MTUS1: variants seen among roughly 807,000 people sequenced by gnomAD.
The protein encoded by MTUS1 is microtubule-associated tumor suppressor 1.
Under a neutral mutation model 120.8 loss-of-function variants are expected in MTUS1, and 109 were observed. The ratio of observed to expected loss-of-function variants is 0.90; its 90% CI spans 0.77 to 1.06. The LOEUF is 1.06. MTUS1 is among the 50% of genes least tolerant of loss of function. The pLI is 0.00. For synonymous variants in MTUS1, 737 were observed against 550.5 expected, an observed-to-expected ratio of 1.34 and a Z score of -4.74; for missense variants, 2,210 against 1,486.3, an observed-to-expected ratio of 1.49 and a Z score of -8.01.
intron 2 of MTUS1, among the ~76,000 whole-genome samples, 176 bp from the exon 3 acceptor site, chr8:17,743,975 C>G (rs556152863): frequency 6.6e-5 from 10 of 152,302 alleles, no homozygotes; most frequent in African/African-American, 2.2e-4. Context: ...CTTTAGAATT[C>G]AGGCACAACT....
rs1295484096 is a variant in MTUS1 at position 17,785,520 on chromosome 8, C to T, written c.-155+15541G>A. On this transcript the variant is annotated intron_variant, in intron 1 of 14. Coordinates refer to ENST00000693296, the MANE Select transcript of MTUS1 (RefSeq NM_001363059.2). Reference sequence around the variant, plus strand: ...AGGGGCACTTCAGACAAAATTTGTACGACTGCCAACACATCATAAAAGGAC... The same window carrying T: ...AGGGGCACTTCAGACAAAATTTGTATGACTGCCAACACATCATAAAAGGAC... 3.3e-5 allele frequency among the ~76,000 whole-genome samples: 5 copies of T among 152,108 alleles called. 1 individual carries two copies. The highest frequency in any genetic ancestry group is 1.3e-4 in the Admixed American group (2 of 15,256).
intron 3 of MTUS1, among the ~76,000 whole-genome samples, chr8:17,732,420 C>T (rs1436285336): frequency 6.6e-6 from 1 of 152,174 alleles, no homozygotes; most frequent in African/African-American, 2.4e-5. Flanking sequence ...TTCAGGGATG[C>T]CCCTACGTTC....
intron 1 of MTUS1, among the ~76,000 whole-genome samples, chr8:17,778,076 T>C (rs1440973926): frequency 6.6e-6 from 1 of 152,196 alleles, no homozygotes; most frequent in Non-Finnish European, 1.5e-5. Flanking sequence ...TTGCCTGTGT[T>C]ATTAAACTAG....
chr8:17,674,166 G>A (rs371423439), intron 8 of MTUS1, among the ~76,000 whole-genome samples: 5 of 152,060 alleles, frequency 3.3e-5, no homozygotes, highest in South Asian at 2.1e-4. Context: ...GGCTGGGTGC[G>A]GTGGCTCACA....
At chr8:17,731,721 G>C (rs2979778) in intron 3 of MTUS1, among the ~76,000 whole-genome samples, 30,496 of 151,748 alleles carry the variant, frequency 0.2, 3,207 homozygotes, top group African/African-American at 0.26. Flanking sequence ...AACAGCAGCA[G>C]ATCAAAAAAA....
At chr8:17,689,748 T>C (rs576016029) in intron 6 of MTUS1, among the ~76,000 whole-genome samples, 36 of 152,258 alleles carry the variant, frequency 2.4e-4, no homozygotes, top group African/African-American at 7.9e-4. Flanking sequence ...TTACAGCTAA[T>C]TGATCTTTGA....
At chr8:17,707,388 A>T (rs1244161300) in intron 6 of MTUS1, among the ~76,000 whole-genome samples, 1 of 152,188 alleles carries the variant, frequency 6.6e-6, no homozygotes, top group African/African-American at 2.4e-5. Flanking sequence ...TAGGCTCCTC[A>T]TAATACCAGG....
intron 12 of MTUS1, 69 bp from the exon 13 acceptor site, chr8:17,650,031 G>A: frequency 1.2e-6 from 1 of 855,994 alleles, no homozygotes; most frequent in Non-Finnish European, 2.0e-6. Flanking sequence ...AAGAATCTTT[G>A]ATTAGATTGA....
At chr8:17,689,951 CACA>C (rs1312817282) in intron 6 of MTUS1, among the ~76,000 whole-genome samples, 1 of 152,064 alleles carries the variant, frequency 6.6e-6, no homozygotes, top group Non-Finnish European at 1.5e-5. Flanking sequence ...AAAAACTCTT[CACA>C]ACATTGGCCG....
chr8:17,688,309 T>C (rs536804684), intron 6 of MTUS1, among the ~76,000 whole-genome samples: 1 of 152,156 alleles, frequency 6.6e-6, no homozygotes, highest in African/African-American at 2.4e-5. Flanking sequence ...AAGTATCACA[T>C]AAGAGGGTGG....
intron 1 of MTUS1, among the ~76,000 whole-genome samples, chr8:17,787,450 A>C (rs1397430589): frequency 6.6e-6 from 1 of 152,190 alleles, no homozygotes; most frequent in Non-Finnish European, 1.5e-5. Context: ...CTCTACTCCA[A>C]TGTGTAATCT....
chr8:17,748,837 C>T (rs1302941941), intron 2 of MTUS1, among the ~76,000 whole-genome samples: 2 of 152,122 alleles, frequency 1.3e-5, no homozygotes, highest in Admixed American at 6.5e-5. Context: ...CTCTTTTTTC[C>T]CTACATCCTA....
At chr8:17,743,071 A>C (rs1004753642) in intron 3 of MTUS1, among the ~76,000 whole-genome samples, 2 of 151,008 alleles carry the variant, frequency 1.3e-5, no homozygotes, top group Admixed American at 6.6e-5. Context: ...TGAGGCGCTC[A>C]CATTTCATTG....
chr8:17,743,508 A>T, intron 3 of MTUS1, 96 bp downstream of exon 3: 1 of 1,170,914 alleles, frequency 8.5e-7, no homozygotes. Context: ...ACAAAAGGCT[A>T]ACTGCTTTAG....
intron 8 of MTUS1, among the ~76,000 whole-genome samples, chr8:17,673,392 G>C (rs764776208): frequency 3.9e-5 from 6 of 152,172 alleles, no homozygotes; most frequent in Non-Finnish European, 8.8e-5. Context: ...TAGGTATTAA[G>C]AATCTGGACG....
intron 7 of MTUS1, 76 bp downstream of exon 7, chr8:17,684,252 C>T (rs1815250796): frequency 9.7e-7 from 1 of 1,034,750 alleles, no homozygotes; most frequent in African/African-American, 1.6e-5. Context: ...ATTCCCAAGG[C>T]CAGCGTGTGA....
chr8:17,719,463 G>T (rs1306067922), intron 4 of MTUS1, among the ~76,000 whole-genome samples: 1 of 152,174 alleles, frequency 6.6e-6, no homozygotes, highest in Non-Finnish European at 1.5e-5. Context: ...ATATACCCTA[G>T]AAAAACGTGA....
intron 1 of MTUS1, among the ~76,000 whole-genome samples, chr8:17,760,177 C>A (rs944581888): frequency 6.6e-6 from 1 of 151,532 alleles, no homozygotes; most frequent in Non-Finnish European, 1.5e-5. Flanking sequence ...GATCATGCCA[C>A]CACACTTCAG....
At chr8:17,791,907 T>C (rs894879019) in intron 1 of MTUS1, among the ~76,000 whole-genome samples, 3 of 152,196 alleles carry the variant, frequency 2.0e-5, no homozygotes, top group Non-Finnish European at 4.4e-5. Context: ...TCTATATACC[T>C]GGCACCTGTG....
Sources: allele counts gnomAD v4.1 joint callset (sites outside exome capture counted in the v4.1 genomes callset), GRCh38; gene constraint gnomAD v4.1.1; transcripts MANE v1.5; gene names NCBI Gene and HGNC (gene_info 2026-07-23, HGNC 2026-07-21).